NUP205: variants seen among roughly 807,000 people sequenced by gnomAD.
The protein encoded by NUP205 is nuclear pore complex protein Nup205.
NUP205 carries 76 observed loss-of-function variants against 253.8 expected under a neutral mutation model. The ratio of observed to expected loss-of-function variants is 0.30; its 90% CI spans 0.25 to 0.36. The LOEUF is 0.36. NUP205 is among the 10% of genes least tolerant of loss of function. The pLI is 1.00. For missense variants in NUP205, 2,162 were observed against 2,425.5 expected, an observed-to-expected ratio of 0.89 and a Z score of 2.28; for synonymous variants, 832 against 850.1, an observed-to-expected ratio of 0.98 and a Z score of 0.37.
intron 2 of NUP205, 85 bp downstream of exon 2, chr7:135,571,332 A>G (rs1464198198): frequency 9.6e-5 from 87 of 910,834 alleles, no homozygotes; most frequent in Non-Finnish European, 1.2e-4. Flanking sequence ...TTTTTTTTTT[A>G]ATTTTCAAAT....
Position 135,616,697 on chromosome 7 carries a change from G to A in NUP205, c.3503G>A (p.Gly1168Glu). ...GIEDENRSVS[G>E]FLHFDTATKV... Reference sequence around the variant, plus strand: ...GAAGATGAAAACAGGTCTGTTTCTGGGTTCCTTCACTTTGACACTGCTACA... The same window carrying A: ...GAAGATGAAAACAGGTCTGTTTCTGAGTTCCTTCACTTTGACACTGCTACA... Residue 1168 changes from glycine (G) to glutamate (E), a missense_variant, in exon 25 of 43, where the codon GGG becomes GAG. Coordinates refer to ENST00000285968, the MANE Select transcript of NUP205 (RefSeq NM_015135.3). The A allele has an allele frequency of 6.4e-7, 1 of 1,571,308 alleles. No homozygotes were observed. Among genetic ancestry groups the A allele is most frequent in the Non-Finnish European group, 8.6e-7 (1 of 1,163,154 alleles).
rs763190238 is a variant in NUP205, at chr7:135,619,533, A to G, written c.4074A>G (p.Ser1358=). The G allele has an allele frequency of 1.2e-6, 2 of 1,614,126 alleles. No homozygotes were observed. Among genetic ancestry groups the G allele is most frequent in the Non-Finnish European group, 1.7e-6 (2 of 1,180,028 alleles). Residue 1358 remains serine (S), a synonymous_variant, in exon 29 of 43, where the codon TCA becomes TCG. Coordinates refer to ENST00000285968, the MANE Select transcript of NUP205 (RefSeq NM_015135.3). ...TCCTCACTGAACAGAAGGAAACATC[A>G]GTCTTGGGACCAGCAGAGGCCCATT... is the stretch of plus-strand genomic sequence containing the variant. ...QAVLTEQKET[S]VLGPAEAHYA...
chr7:135,570,903 T>C (rs529571491), intron 1 of NUP205, among the ~76,000 whole-genome samples: 4 of 125,342 alleles, frequency 3.2e-5, no homozygotes, highest in African/African-American at 9.1e-5. Flanking sequence ...TATATATTTA[T>C]ATATAATATA....
intron 1 of NUP205, among the ~76,000 whole-genome samples, chr7:135,563,983 C>CAAACAAAAACAAA (rs1259943308): frequency 6.6e-5 from 10 of 151,448 alleles, no homozygotes; most frequent in African/African-American, 2.4e-4. Flanking sequence ...AAGACCCTGT[C>CAAACAAAAACAAA]ACAAAAAACA....
In NUP205 at chr7:135,601,502, T is replaced by G. The variant is rs1382518999; in HGVS notation, c.2507T>G (p.Phe836Cys). 1 of 1,612,728 alleles carries G rather than the reference T, an allele frequency of 6.2e-7. No individual in the cohort carries two copies. The highest frequency in any genetic ancestry group is 8.5e-7 in the Non-Finnish European group (1 of 1,179,540). Residue 836 changes from phenylalanine (F) to cysteine (C), a missense_variant, in exon 17 of 43, where the codon TTT becomes TGT. By Grantham distance (205) the Phe-to-Cys change is radical. This residue lies in a region of NUP205 where 892 missense variants were observed against 957.1 expected (regional missense o/e 0.93). Coordinates refer to ENST00000285968, the MANE Select transcript of NUP205 (RefSeq NM_015135.3). ...AAGCAGCTTGACACCTATGCCCCCTTTCCTGGTATATGCTTAAAAGCCTTC... is the reference window on the plus strand; with the variant it reads ...AAGCAGCTTGACACCTATGCCCCCTGTCCTGGTATATGCTTAAAAGCCTTC... ...GVKQLDTYAP[F>C]PGKKHLEKAV...
At position 135,622,945 on chromosome 7, in the gene NUP205, G is replaced by A; in HGVS notation, c.4479+20G>A. On this transcript the variant is annotated intron_variant, in intron 31 of 42. Transcript: ENST00000285968. ...GGAAGGGTAAAGCAACTCTTATTTA[G>A]TATTATAATTGAATAAGTATTTTGA... The A allele has an allele frequency of 1.2e-6, 2 of 1,607,934 alleles. No homozygotes were observed. Among genetic ancestry groups the A allele is most frequent in the South Asian group, 1.1e-5 (1 of 90,718 alleles).
At chr7:135,578,255 A>G (rs960604479) in intron 6 of NUP205, among the ~76,000 whole-genome samples, 2 of 152,224 alleles carry the variant, frequency 1.3e-5, no homozygotes, top group African/African-American at 4.8e-5. Context: ...ATTAAAGCAT[A>G]TATTATACAT....
chr7:135,604,245 G>A (rs1794035252), intron 18 of NUP205, 95 bp from the exon 19 acceptor site: 1 of 1,014,664 alleles, frequency 9.9e-7, no homozygotes, highest in South Asian at 1.7e-5. Flanking sequence ...TGCTGTATGG[G>A]CAGGGGAAGC....
At chr7:135,614,327 G>A (rs1794306703) in intron 23 of NUP205, 54 bp downstream of exon 23, 2 of 963,904 alleles carry the variant, frequency 2.1e-6, no homozygotes, top group African/African-American at 3.2e-5. Context: ...TCCATGTTAA[G>A]TGATTTTATT....
chr7:135,597,540 AG>A lies in NUP205; in HGVS notation c.2064+125del, dbSNP rs1263855613. On this transcript the variant is annotated intron_variant, in intron 14 of 42. Transcript: ENST00000285968. ...TCAAATTTAATGTATTTTTATTTGA[AG>A]GGTTTTCTGATCAGTGTTGAAATAG... The A allele has an allele frequency of 1.4e-5, 9 of 622,920 alleles. No individual in the cohort carries two copies. In the East Asian group the frequency reaches 2.5e-4, roughly 18 times the overall value. 38.6% of individuals were successfully genotyped at this position (622,920 alleles called of 1,614,324 possible). A position where few individuals can be genotyped will look rare whatever the true frequency, so the allele number is the denominator to read the frequency against.
At chr7:135,631,532 C>T (rs926399375) in intron 35 of NUP205, among the ~76,000 whole-genome samples, 1 of 152,134 alleles carries the variant, frequency 6.6e-6, no homozygotes, top group African/African-American at 2.4e-5. Flanking sequence ...CTTCCTCTTC[C>T]ACCCTCAGAT....
At chr7:135,572,989 A>G (rs184742340) in intron 2 of NUP205, among the ~76,000 whole-genome samples, 1 of 122,412 alleles carries the variant, frequency 8.2e-6, no homozygotes, top group East Asian at 2.3e-4. Flanking sequence ...TTTCTTTAGT[A>G]GAAAGAACCC....
At chr7:135,569,328 C>A (rs1470362305) in intron 1 of NUP205, among the ~76,000 whole-genome samples, 2 of 152,230 alleles carry the variant, frequency 1.3e-5, no homozygotes, top group Non-Finnish European at 2.9e-5. Context: ...CCGCCTTGGC[C>A]TCCCAAAGTG....
chr7:135,648,511 T>A lies in NUP205; in HGVS notation c.5994T>A (p.Ala1998=), dbSNP rs1436243353. The change falls in exon 43 of 43, where the codon GCT becomes GCA. Residue 1998 remains alanine, a synonymous_variant. Transcript: ENST00000285968. ...GATCTCGATATAGTTTCATACAGGCTCTTGTCAGACGTATCCGTGGCCTCT... is the reference window on the plus strand; with the variant it reads ...GATCTCGATATAGTTTCATACAGGCACTTGTCAGACGTATCCGTGGCCTCT... ...KVRSRYSFIQ[A]LVRRIRGLLR... is the part of the protein sequence containing the mutation. 1.0e-5 allele frequency: 16 copies of A among 1,603,214 alleles called. No individual in the cohort carries two copies. Among genetic ancestry groups the A allele is most frequent in the Non-Finnish European group, 1.1e-5 (13 of 1,176,422 alleles).
At position 135,619,615 on chromosome 7, in the gene NUP205, G is replaced by A. The variant is rs980486507; in HGVS notation, c.4156G>A (p.Val1386Met). Reference protein sequence around the residue: ...TSPPPEENPLVGFASIGDSSL... With the variant: ...TSPPPEENPLMGFASIGDSSL... ...ACCTCCTCCTGAAGAGAACCCATTA[G>A]TGGGTTTTGCTTCTATTGGAGATTC... is the stretch of plus-strand genomic sequence containing the variant. The change falls in exon 29 of 43, where the codon GTG becomes ATG. Residue 1386 changes from valine (V) to methionine (M), a missense_variant. By Grantham distance (21) the Val-to-Met change is conservative. Coordinates refer to ENST00000285968, the MANE Select transcript of NUP205 (RefSeq NM_015135.3). The A allele has an allele frequency of 1.5e-5, 24 of 1,613,784 alleles. No homozygotes were observed. In the Middle Eastern group the frequency reaches 9.9e-4, roughly 67 times the overall value.
Position 135,619,050 on chromosome 7 carries a change from G to A in NUP205, c.3964-373G>A, listed in dbSNP as rs565163130. On this transcript the variant is annotated intron_variant, in intron 28 of 42. Transcript: ENST00000285968. ...CCATTCTTATATTGTTACCATAGTT[G>A]ACAAGCTAAATGTATATAAAACTTG... is the stretch of plus-strand genomic sequence containing the variant. Among the ~76,000 whole-genome samples, 152 of 152,036 alleles carry A rather than the reference G, an allele frequency of 1.0e-3. 4 individuals carry two copies. Among genetic ancestry groups the A allele is most frequent in the Non-Finnish European group, 2.4e-4 (16 of 67,996 alleles).
At chr7:135,606,720 T>G in intron 20 of NUP205, 31 bp from the exon 21 acceptor site, 1 of 1,581,770 alleles carries the variant, frequency 6.3e-7, no homozygotes, top group Non-Finnish European at 8.7e-7. Flanking sequence ...TCCACTGTTT[T>G]GTAATTTTGT....
At chr7:135,600,101 T>A (rs73725167) in intron 15 of NUP205, among the ~76,000 whole-genome samples, 5,171 of 152,296 alleles carry the variant, frequency 0.034, 119 homozygotes, top group Middle Eastern at 0.1. Context: ...TAGTAATTCA[T>A]AAAACCACCC....
intron 1 of NUP205, among the ~76,000 whole-genome samples, chr7:135,567,514 G>T (rs563708572): frequency 1.1e-4 from 17 of 151,744 alleles, no homozygotes; most frequent in African/African-American, 3.9e-4. Context: ...GGAGGCTGAG[G>T]GGGGCAGTAT....
Sources: gnomAD v4.1 joint callset for allele counts (sites outside exome capture counted in the v4.1 genomes callset) on GRCh38, gnomAD v4.1.1 for gene constraint, gnomAD v4.1.1 regional missense constraint, MANE v1.5 for transcripts, NCBI Gene and HGNC (gene_info 2026-07-23, HGNC 2026-07-21) for gene names.